The following DACH2 variants were observed in gnomAD, a reference collection of about 807,000 sequenced individuals.
DACH2 encodes the protein dachshund homolog 2.
A neutral mutation model predicts 35.8 loss-of-function variants in DACH2; 17 were observed. The observed-to-expected ratio is 0.48, with a 90% CI of 0.33 to 0.71. The LOEUF (loss-of-function observed/expected upper bound fraction) is 0.71, where lower values mean the gene tolerates loss of function less well. Ranked by LOEUF, DACH2 falls within the 30% of genes least tolerant of loss-of-function variation. The pLI is 0.02. For missense variants in DACH2, 469 were observed against 472.7 expected, an observed-to-expected ratio of 0.99 and a Z score of 0.07; for synonymous variants, 195 against 177.3, an observed-to-expected ratio of 1.10 and a Z score of -0.79.
At chrX:86,491,756 T>C (rs889414864) in intron 2 of DACH2, among the ~76,000 whole-genome samples, 3 of 111,798 alleles carry the variant, frequency 2.7e-5, no homozygotes, top group African/African-American at 9.7e-5. Context: ...GTTGAAAGAA[T>C]ACTAAAAGCA....
At chrX:86,397,852 T>G (rs1034815937) in intron 2 of DACH2, among the ~76,000 whole-genome samples, 2 of 111,875 alleles carry the variant, frequency 1.8e-5, no homozygotes, top group African/African-American at 6.5e-5. Flanking sequence ...TAAAATTCTC[T>G]TTTTTGGTTG....
chrX:86,655,212 G>A (rs1355440152), intron 4 of DACH2, among the ~76,000 whole-genome samples: 1 of 111,812 alleles, frequency 8.9e-6, no homozygotes, highest in African/African-American at 3.2e-5. Flanking sequence ...GTAGGACTGG[G>A]AAATTTAATC....
intron 2 of DACH2, among the ~76,000 whole-genome samples, chrX:86,437,553 T>C (rs760448486): frequency 8.9e-6 from 1 of 111,785 alleles, no homozygotes; most frequent in Admixed American, 9.6e-5. Flanking sequence ...TTTGTGTGTG[T>C]CTGGCTTATT....
Position 86,696,170 on chromosome X carries a change from G to C in DACH2, c.931+991G>C, listed in dbSNP as rs180784843. On this transcript the variant is annotated intron_variant, in intron 5 of 11. Transcript: ENST00000373125. ...TTACAAATGGATAATCCAGGATAGGGTTTCATTACTCTCTTCCCTGACACT... is the reference window on the plus strand; with the variant it reads ...TTACAAATGGATAATCCAGGATAGGCTTTCATTACTCTCTTCCCTGACACT... Among the ~76,000 whole-genome samples the C allele has an allele frequency of 1.1e-4, 12 of 111,314 alleles. No individual in the cohort carries two copies. The East Asian group carries it at 3.4e-3, about 32-fold the overall frequency.
In DACH2 at chrX:86,254,807, T is replaced by TATATATATAG. The variant is rs1380613474; in HGVS notation, c.488+105700_488+105701insTATATATAGA. Reference sequence around the variant, plus strand: ...ATATATATATATATATATATATATATAGAGAGAGAGAGAGAGAGAGAGAGA... The same window carrying TATATATATAG: ...ATATATATATATATATATATATATATATATATATAGAGAGAGAGAGAGAGAGAGAGAGAGA... On this transcript the variant is annotated intron_variant, in intron 1 of 11. Transcript: ENST00000373125. Among the ~76,000 whole-genome samples the TATATATATAG allele has an allele frequency of 2.1e-3, 102 of 49,610 alleles. 2 individuals are homozygous for TATATATATAG. The highest frequency in any genetic ancestry group is 7.5e-3 in the East Asian group (9 of 1,205). The allele number at this position is 49,610 out of a possible 115,157, so 43.1% of individuals were successfully genotyped here. A position where few individuals can be genotyped will look rare whatever the true frequency, so the allele number is the denominator to read the frequency against.
chrX:86,767,933 GTTGTTTGTTTT>G (rs1285177756), intron 7 of DACH2, among the ~76,000 whole-genome samples: 3 of 111,043 alleles, frequency 2.7e-5, no homozygotes, highest in African/African-American at 6.6e-5. Flanking sequence ...TTGTTTGTTT[GTTGTTTGTTTT>G]TTGTTTGTTT....
At chrX:86,386,831 G>A (rs1349650205) in intron 2 of DACH2, among the ~76,000 whole-genome samples, 2 of 110,779 alleles carry the variant, frequency 1.8e-5, no homozygotes, top group African/African-American at 6.6e-5. Context: ...TTCAAGTTGT[G>A]GTTAGGAGAA....
chrX:86,411,102 G>T (rs2036607365), intron 2 of DACH2, among the ~76,000 whole-genome samples: 1 of 95,465 alleles, frequency 1.0e-5, no homozygotes, highest in Non-Finnish European at 2.1e-5. Context: ...CCCACAATAG[G>T]CTGTCTTCAA....
intron 1 of DACH2, among the ~76,000 whole-genome samples, chrX:86,295,025 T>G (rs1171385821): frequency 8.9e-6 from 1 of 112,809 alleles, no homozygotes; most frequent in African/African-American, 3.2e-5. Context: ...CCAGCCTCAC[T>G]GCCGCCTTGC....
At chrX:86,167,456 A>C (rs1370163298) in intron 1 of DACH2, among the ~76,000 whole-genome samples, 1 of 109,946 alleles carries the variant, frequency 9.1e-6, no homozygotes, top group Non-Finnish European at 1.9e-5. Flanking sequence ...TTTTTTTCTT[A>C]ATTAGTCTGG....
chrX:86,295,459 C>A (rs1055097419), intron 1 of DACH2, among the ~76,000 whole-genome samples: 1 of 111,802 alleles, frequency 8.9e-6, no homozygotes, highest in Admixed American at 9.5e-5. Flanking sequence ...CCAGTTCACT[C>A]TCTCTGGGCC....
At chrX:86,765,800 AT>A (rs745985544) in intron 7 of DACH2, among the ~76,000 whole-genome samples, 2,887 of 75,702 alleles carry the variant, frequency 0.038, 133 homozygotes, top group African/African-American at 0.14. Context: ...TAAAAATGGC[AT>A]TTTTTTTTAT....
At chrX:86,608,454 C>A (rs1409760515) in intron 3 of DACH2, among the ~76,000 whole-genome samples, 1 of 111,948 alleles carries the variant, frequency 8.9e-6, no homozygotes, top group Non-Finnish European at 1.9e-5. Flanking sequence ...AGTCTTTCTA[C>A]TTAGGATAAG....
chrX:86,282,713 T>C (rs2034057764), intron 1 of DACH2, among the ~76,000 whole-genome samples: 1 of 105,905 alleles, frequency 9.4e-6, no homozygotes, highest in African/African-American at 3.5e-5. Context: ...CTTAAACAAA[T>C]TTACAAGAAA....
At chrX:86,477,931 C>A (rs2037873675) in intron 2 of DACH2, among the ~76,000 whole-genome samples, 1 of 110,846 alleles carries the variant, frequency 9.0e-6, no homozygotes, top group Non-Finnish European at 1.9e-5. Flanking sequence ...TTTGCTTAAA[C>A]AAAGGAACAA....
chrX:86,770,128 C>T (rs377194177), intron 7 of DACH2, among the ~76,000 whole-genome samples: 27 of 109,331 alleles, frequency 2.5e-4, no homozygotes, highest in African/African-American at 7.6e-4. Flanking sequence ...AATTTTAAAG[C>T]GCACAAAGAC....
chrX:86,602,613 G>GT (rs1215367169), intron 3 of DACH2, among the ~76,000 whole-genome samples: 1 of 111,940 alleles, frequency 8.9e-6, no homozygotes, highest in African/African-American at 3.2e-5. Flanking sequence ...AATGCCAGAG[G>GT]TATCTTTATA....
intron 3 of DACH2, among the ~76,000 whole-genome samples, chrX:86,550,572 C>A (rs1225407231): frequency 9.0e-6 from 1 of 111,100 alleles, no homozygotes; most frequent in Non-Finnish European, 1.9e-5. Context: ...GTCATGAGGT[C>A]CCTGTGCTAT....
At chrX:86,387,737 G>A (rs1405685685) in intron 2 of DACH2, among the ~76,000 whole-genome samples, 5 of 111,488 alleles carry the variant, frequency 4.5e-5, no homozygotes. Context: ...TATTTTCCTG[G>A]CATTTAGGTT....
Sources: gnomAD v4.1 joint callset for allele counts (sites outside exome capture counted in the v4.1 genomes callset) on GRCh38, gnomAD v4.1.1 for gene constraint, MANE v1.5 for transcripts, NCBI Gene and HGNC (gene_info 2026-07-23, HGNC 2026-07-21) for gene names.